Variants in GABRA4 observed in about 807,000 individuals in gnomAD.
GABRA4 encodes gamma-aminobutyric acid type A receptor subunit alpha4.
A neutral mutation model predicts 49.7 loss-of-function variants in GABRA4; 12 were observed. That is an observed-to-expected ratio of 0.24 (90% confidence interval 0.15 to 0.39). GABRA4 has a LOEUF of 0.39. Among genes scored for constraint, GABRA4 ranks in the 10% least tolerant of loss-of-function variants. The pLI is 1.00. For missense variants in GABRA4, 506 were observed against 686.0 expected (o/e 0.74, Z 2.93); for synonymous variants, 288 against 240.2 (o/e 1.20, Z -1.84).
At chr4:46,964,434 C>T (rs574709991) in intron 8 of GABRA4, among the ~76,000 whole-genome samples, 6 of 151,886 alleles carry the variant, frequency 4.0e-5, no homozygotes, top group Non-Finnish European at 8.8e-5. Flanking sequence ...GTTTGTAACT[C>T]AAATAATAAA....
intron 2 of GABRA4, 41 bp from the exon 3 acceptor site, chr4:46,979,139 C>G (rs1377698485): frequency 8.1e-7 from 1 of 1,240,014 alleles, no homozygotes. Flanking sequence ...AAATAATTAC[C>G]AATTTTACAG....
intron 8 of GABRA4, among the ~76,000 whole-genome samples, chr4:46,937,627 T>C (rs1029098645): frequency 2.2e-4 from 34 of 152,172 alleles, no homozygotes; most frequent in Non-Finnish European, 4.4e-4. Flanking sequence ...GAATTAAGCA[T>C]TAATTTCTTT....
Position 46,920,199 on chromosome 4 carries a change from G to C in GABRA4, c.*8026C>G, listed in dbSNP as rs751524249. On this transcript the variant is annotated 3_prime_UTR_variant, in exon 9 of 9. Coordinates refer to ENST00000264318, the MANE Select transcript of GABRA4 (RefSeq NM_000809.4). ...CAGAGCTTCTTTTACTTCCCTCTAAGGAAGCTGTTTTCTATGGACTTCAAG... is the reference window on the plus strand; with the variant it reads ...CAGAGCTTCTTTTACTTCCCTCTAACGAAGCTGTTTTCTATGGACTTCAAG... 6.6e-6 allele frequency: 1 copy of C among 151,520 alleles called. No homozygotes were observed. Among genetic ancestry groups the C allele is most frequent in the East Asian group, 1.9e-4 (1 of 5,194 alleles). 9.4% of individuals were successfully genotyped at this position (151,520 alleles called of 1,614,324 possible).
intron 8 of GABRA4, among the ~76,000 whole-genome samples, chr4:46,943,670 C>G (rs1473142288): frequency 6.6e-6 from 1 of 152,058 alleles, no homozygotes; most frequent in African/African-American, 2.4e-5. Flanking sequence ...CTGGTATTAG[C>G]AAAGGCTATC....
Position 46,920,160 on chromosome 4 carries a change from A to AT in GABRA4, c.*8064_*8065insA, listed in dbSNP as rs1720930405. The AT allele has an allele frequency of 6.6e-6, 1 of 151,728 alleles. No individual in the cohort carries two copies. The highest frequency in any genetic ancestry group is 6.6e-5 in the Admixed American group (1 of 15,204). 9.4% of individuals were successfully genotyped at this position (151,728 alleles called of 1,614,324 possible). On this transcript the variant is annotated 3_prime_UTR_variant, in exon 9 of 9. Transcript: ENST00000264318. ...AATCAAACTTTAACTGAAATGCTATACATTGTCTGTTATCAGAGCTTCTTT... is the reference window on the plus strand; with the variant it reads ...AATCAAACTTTAACTGAAATGCTATATCATTGTCTGTTATCAGAGCTTCTTT...
At chr4:46,957,652 A>G (rs1369197884) in intron 8 of GABRA4, among the ~76,000 whole-genome samples, 1 of 151,980 alleles carries the variant, frequency 6.6e-6, no homozygotes, top group East Asian at 1.9e-4. Flanking sequence ...TCTCTTCCCT[A>G]TCCTAGTGAT....
intron 2 of GABRA4, among the ~76,000 whole-genome samples, chr4:46,990,905 G>C (rs1037337394): frequency 6.6e-6 from 1 of 152,146 alleles, no homozygotes; most frequent in Non-Finnish European, 1.5e-5. Flanking sequence ...ATGCTGGCCC[G>C]GCGCGGCTCA....
Position 46,925,551 on chromosome 4 carries a change from C to T in GABRA4, c.*2674G>A, listed in dbSNP as rs528848022. 1.3e-5 allele frequency: 2 copies of T among 151,396 alleles called. No homozygotes were observed. The highest frequency in any genetic ancestry group is 2.4e-5 in the African/African-American group (1 of 41,270). 9.4% of individuals were successfully genotyped at this position (151,396 alleles called of 1,614,324 possible). On this transcript the variant is annotated 3_prime_UTR_variant, in exon 9 of 9. Transcript: ENST00000264318. ...ATAGATAACCAGAACTTTGGGTGCC[C>T]CTAATCATTCTTCTGAGATTTTCTA... is the stretch of plus-strand genomic sequence containing the variant.
intron 8 of GABRA4, among the ~76,000 whole-genome samples, chr4:46,953,256 G>T (rs1722233572): frequency 6.6e-6 from 1 of 151,930 alleles, no homozygotes; most frequent in African/African-American, 2.4e-5. Flanking sequence ...TCTGAGTTCT[G>T]CCAGCATCCC....
chr4:46,966,119 T>C (rs1263222945), intron 7 of GABRA4, among the ~76,000 whole-genome samples: 1 of 151,802 alleles, frequency 6.6e-6, no homozygotes, highest in Non-Finnish European at 1.5e-5. Context: ...TATTTAAGAA[T>C]GTTAATATTT....
At chr4:46,966,413 A>T (rs1027047074) in intron 7 of GABRA4, among the ~76,000 whole-genome samples, 15 of 151,792 alleles carry the variant, frequency 9.9e-5, no homozygotes, top group African/African-American at 3.1e-4. Flanking sequence ...GTCCGATGCA[A>T]TATTAAAGGA....
intron 5 of GABRA4, among the ~76,000 whole-genome samples, chr4:46,975,865 T>C (rs1051864740): frequency 6.6e-6 from 1 of 151,966 alleles, no homozygotes; most frequent in Non-Finnish European, 1.5e-5. Flanking sequence ...TCTTCTCTCA[T>C]TAAATTATTG....
chr4:46,971,020 T>G (rs1722932692), intron 7 of GABRA4, 63 bp downstream of exon 7: 1 of 1,466,688 alleles, frequency 6.8e-7, no homozygotes, highest in Non-Finnish European at 9.4e-7. Flanking sequence ...CTTAGAAATA[T>G]CCCATGAATC....
chr4:46,966,385 C>G (rs1435125627), intron 7 of GABRA4, among the ~76,000 whole-genome samples: 2 of 151,656 alleles, frequency 1.3e-5, no homozygotes, highest in Non-Finnish European at 3.0e-5. Context: ...AATGCATGTT[C>G]AACCAAAGAA....
intron 8 of GABRA4, among the ~76,000 whole-genome samples, chr4:46,951,778 GTA>G (rs933043718): frequency 2.1e-5 from 3 of 139,784 alleles, no homozygotes; most frequent in African/African-American, 5.2e-5. Context: ...ATATATGTGT[GTA>G]TATATATGTG....
intron 7 of GABRA4, among the ~76,000 whole-genome samples, chr4:46,966,429 G>A (rs948582748): frequency 6.6e-6 from 1 of 151,716 alleles, no homozygotes; most frequent in African/African-American, 2.4e-5. Context: ...AAGGAATAAG[G>A]TATTTTGATT....
rs572484711 is a variant in GABRA4 at position 46,939,077 on chromosome 4, C to T, written c.1135-10322G>A. On this transcript the variant is annotated intron_variant, in intron 8 of 8. Transcript: ENST00000264318. ...AGTAAGTTTTAAATAGGCAAAAGAG[C>T]TCCTCATTCCCTTATGGGGTGAGGG... Among the ~76,000 whole-genome samples the T allele has an allele frequency of 2.0e-3, 299 of 152,078 alleles. 4 individuals carry two copies. The highest frequency in any genetic ancestry group is 6.8e-3 in the African/African-American group (283 of 41,528).
chr4:46,961,357 G>A (rs866740827), intron 8 of GABRA4, among the ~76,000 whole-genome samples: 8 of 151,626 alleles, frequency 5.3e-5, no homozygotes, highest in Admixed American at 1.3e-4. Flanking sequence ...TCCTCCTCCC[G>A]CACTTCCTGT....
intron 2 of GABRA4, among the ~76,000 whole-genome samples, chr4:46,979,708 T>G (rs374745622): frequency 8.5e-5 from 13 of 152,202 alleles, no homozygotes; most frequent in African/African-American, 3.1e-4. Flanking sequence ...TCCTCAATAG[T>G]AGCCACCACA....
Sources: allele counts gnomAD v4.1 joint callset (sites outside exome capture counted in the v4.1 genomes callset), GRCh38; gene constraint gnomAD v4.1.1; transcripts MANE v1.5; gene names NCBI Gene and HGNC (gene_info 2026-07-23, HGNC 2026-07-21).